The following ANGPTL1 variants were observed in gnomAD, a reference collection of about 807,000 sequenced individuals.
ANGPTL1 encodes the protein angiopoietin like 1, also known as angiopoietin-related protein 1.
A neutral mutation model predicts 46.7 loss-of-function variants in ANGPTL1; 36 were observed. The observed-to-expected ratio is 0.77, with a 90% CI of 0.59 to 1.02. The LOEUF (loss-of-function observed/expected upper bound fraction) is 1.02. Among genes scored for constraint, ANGPTL1 ranks in the 50% least tolerant of loss-of-function variants. The pLI, the probability that ANGPTL1 is intolerant of heterozygous loss-of-function variation, is 0.00. For synonymous variants in ANGPTL1, 221 were observed against 204.3 expected (o/e 1.08, Z -0.69); for missense variants, 571 against 594.7 (o/e 0.96, Z 0.41).
At chr1:178,854,114 T>C (rs936324986) in intron 3 of ANGPTL1, among the ~76,000 whole-genome samples, 5 of 152,124 alleles carry the variant, frequency 3.3e-5, no homozygotes, top group Admixed American at 1.3e-4. Context: ...ATCCTTGACA[T>C]TGATATATTT....
intron 3 of ANGPTL1, among the ~76,000 whole-genome samples, chr1:178,854,660 T>C (rs1477873294): frequency 6.6e-6 from 1 of 152,200 alleles, no homozygotes; most frequent in Non-Finnish European, 1.5e-5. Context: ...ATAGAACGAT[T>C]AACTAAGGTC....
chr1:178,865,171 C>G lies in ANGPTL1; in HGVS notation c.606G>C (p.Arg202Ser). The G allele has an allele frequency of 6.2e-7, 1 of 1,610,756 alleles. No individual in the cohort carries two copies. The highest frequency in any genetic ancestry group is 1.3e-5 in the African/African-American group (1 of 74,968). ...MITLLEEQCLRIFSRQDTHVS... is the reference protein window; with the variant it reads ...MITLLEEQCLSIFSRQDTHVS... ...CATGGGTGTCTTGTCGGGAAAATAT[C>G]CTCAAGCACTGTTCTTCCAACAAAG... The change falls in exon 3 of 6, where the codon AGG (arginine) becomes AGC (serine). Residue 202 changes from arginine (R) to serine (S), a missense_variant. Transcript: ENST00000234816.
At chr1:178,856,234 T>TATATATATATATATATATACATACAC (rs1368301659) in intron 3 of ANGPTL1, among the ~76,000 whole-genome samples, 1 of 128,776 alleles carries the variant, frequency 7.8e-6, no homozygotes, top group African/African-American at 3.2e-5. Flanking sequence ...TATATATATA[T>TATATATATATATATATATACATACAC]GGTTTTGGGT....
chr1:178,865,309 G>T lies in ANGPTL1; in HGVS notation c.468C>A (p.Asn156Lys), dbSNP rs61823763. The T allele has an allele frequency of 6.2e-7, 1 of 1,614,002 alleles. No homozygotes were observed. The highest frequency in any genetic ancestry group is 1.6e-4 in the Middle Eastern group (1 of 6,062). ...DNSLELSQLE[N>K]KILNVTTEML... ...TTTCTGTGGTGACATTGAGGATTTT[G>T]TTTTCCAGTTGGGAAAGTTCAAGTG... is the stretch of plus-strand genomic sequence containing the variant. Residue 156 changes from asparagine to lysine, a missense_variant, in exon 3 of 6, where the codon AAC becomes AAA. Asn to Lys is a moderately conservative substitution (Grantham distance 94). Coordinates refer to ENST00000234816, the MANE Select transcript of ANGPTL1 (RefSeq NM_004673.4).
intron 2 of ANGPTL1, among the ~76,000 whole-genome samples, chr1:178,867,852 C>T (rs1189898200): frequency 1.3e-5 from 2 of 151,822 alleles, no homozygotes; most frequent in Admixed American, 6.6e-5. Flanking sequence ...TGAAATATAA[C>T]TCTTATGCTG....
At chr1:178,858,082 G>A (rs960360996) in intron 3 of ANGPTL1, among the ~76,000 whole-genome samples, 1 of 152,106 alleles carries the variant, frequency 6.6e-6, no homozygotes, top group African/African-American at 2.4e-5. Flanking sequence ...TGTAGTTGAA[G>A]TTCTTTTCCA....
In ANGPTL1 at chr1:178,865,276, C is replaced by T. The variant is rs747108942; in HGVS notation, c.501G>A (p.Lys167=). 1 of 1,613,962 alleles carries T rather than the reference C, an allele frequency of 6.2e-7. No individual in the cohort carries two copies. Among genetic ancestry groups the T allele is most frequent in the Non-Finnish European group, 8.5e-7 (1 of 1,179,984 alleles). Residue 167 remains lysine (K), a synonymous_variant, in exon 3 of 6, where the codon AAG becomes AAA. Transcript: ENST00000234816. Reference sequence around the variant, plus strand: ...CTAGTTCCCTGTATCTTGTTGCCATCTTCAACATTTCTGTGGTGACATTGA... The same window carrying T: ...CTAGTTCCCTGTATCTTGTTGCCATTTTCAACATTTCTGTGGTGACATTGA... ...KILNVTTEML[K]MATRYRELEV...
In ANGPTL1 at chr1:178,871,065, T is replaced by G. The variant is rs892088159; in HGVS notation, c.-461A>C. ...AGTAACCAGCTGCAGCTGACCCAGATTGTATATACAGTACCCCTGAATAGT... is the reference window on the plus strand; with the variant it reads ...AGTAACCAGCTGCAGCTGACCCAGAGTGTATATACAGTACCCCTGAATAGT... On this transcript the variant is annotated 5_prime_UTR_variant, in exon 1 of 6. Coordinates refer to ENST00000234816, the MANE Select transcript of ANGPTL1 (RefSeq NM_004673.4). 2 of 152,160 alleles carry G rather than the reference T, an allele frequency of 1.3e-5. No individual in the cohort carries two copies. The highest frequency in any genetic ancestry group is 4.8e-5 in the African/African-American group (2 of 41,440). The allele number at this position is 152,160 out of a possible 1,614,324, so 9.4% of individuals were successfully genotyped here.
chr1:178,852,099 T>TA (rs1657210346), intron 5 of ANGPTL1, among the ~76,000 whole-genome samples: 2 of 152,198 alleles, frequency 1.3e-5, no homozygotes, highest in African/African-American at 4.8e-5. Context: ...GAAATGCTCT[T>TA]ACACCATGTA....
In ANGPTL1 at chr1:178,865,136, G is replaced by T. The variant is rs144366166; in HGVS notation, c.641C>A (p.Pro214Gln). The part of the protein sequence containing the change: ...FSRQDTHVSP[P>Q]LVQVVPQHIP... ...ATGTTGTGGCACCACCTGGACAAGT[G>T]GGGGAGACACATGGGTGTCTTGTCG... The change falls in exon 3 of 6, where the codon CCA (proline) becomes CAA (glutamine). Residue 214 changes from proline to glutamine, a missense_variant. Physicochemically the swap from Pro to Gln is moderately conservative, Grantham distance 76. Transcript: ENST00000234816. 2.9e-5 allele frequency: 46 copies of T among 1,595,294 alleles called. 1 individual carries two copies. The highest frequency in any genetic ancestry group is 2.9e-4 in the Admixed American group (17 of 59,376).
At position 178,850,794 on chromosome 1, in the gene ANGPTL1, A is replaced by G. The variant is rs1657120153; in HGVS notation, c.*335T>C. 5.9e-6 allele frequency: 1 copy of G among 169,340 alleles called. No individual in the cohort carries two copies. The highest frequency in any genetic ancestry group is 6.3e-5 in the Admixed American group (1 of 15,802). 10.5% of individuals were successfully genotyped at this position (169,340 alleles called of 1,614,324 possible). A position where few individuals can be genotyped will look rare whatever the true frequency, so the allele number is the denominator to read the frequency against. ...TAGAGCAATCTTAGATTTTAAATAA[A>G]TTGTTAAGTATCTTGAACATGTTAT... is the stretch of plus-strand genomic sequence containing the variant. On this transcript the variant is annotated 3_prime_UTR_variant, in exon 6 of 6. Coordinates refer to ENST00000234816, the MANE Select transcript of ANGPTL1 (RefSeq NM_004673.4).
In ANGPTL1 at chr1:178,858,347, A is replaced by G. The variant is rs140882054; in HGVS notation, c.824-4560T>C. 6.0e-3 allele frequency among the ~76,000 whole-genome samples: 908 copies of G among 152,252 alleles called. 15 individuals are homozygous for G. The highest frequency in any genetic ancestry group is 0.021 in the African/African-American group (880 of 41,558). ...ATGTTTTCACTGCTTTTTCTGTACC[A>G]TAAAGAACATTGCTTGAAAGAAATT... On this transcript the variant is annotated intron_variant, in intron 3 of 5. Coordinates refer to ENST00000234816, the MANE Select transcript of ANGPTL1 (RefSeq NM_004673.4).
intron 3 of ANGPTL1, among the ~76,000 whole-genome samples, chr1:178,861,747 A>G (rs971058910): frequency 1.3e-5 from 2 of 152,228 alleles, no homozygotes; most frequent in Non-Finnish European, 2.9e-5. Flanking sequence ...AAAAGCTTAC[A>G]TAAAACAAAA....
chr1:178,870,761 A>C lies in ANGPTL1; in HGVS notation c.-157T>G, dbSNP rs1658707799. On this transcript the variant is annotated 5_prime_UTR_variant, in exon 1 of 6. Transcript: ENST00000234816. ...AATACCTTTTTGTGTCTGTTGATTC[A>C]GTGAATCCAGAAACTTGCTGCCCTT... The C allele has an allele frequency of 6.6e-6, 1 of 152,198 alleles. No individual in the cohort carries two copies. Among genetic ancestry groups the C allele is most frequent in the African/African-American group, 2.4e-5 (1 of 41,472 alleles). The allele number at this position is 152,198 out of a possible 1,614,324, so 9.4% of individuals were successfully genotyped here.
intron 3 of ANGPTL1, among the ~76,000 whole-genome samples, chr1:178,864,470 G>A (rs1299552300): frequency 6.6e-6 from 1 of 152,252 alleles, no homozygotes; most frequent in East Asian, 1.9e-4. Context: ...TAGTAGTTGA[G>A]TCATCTGCTG....
At chr1:178,861,935 C>T (rs1311490562) in intron 3 of ANGPTL1, among the ~76,000 whole-genome samples, 1 of 151,908 alleles carries the variant, frequency 6.6e-6, no homozygotes, top group Non-Finnish European at 1.5e-5. Flanking sequence ...TGCAGTGGTG[C>T]GATCTCGGCT....
intron 2 of ANGPTL1, 62 bp from the exon 3 acceptor site, chr1:178,865,864 A>G (rs1658372310): frequency 9.8e-7 from 1 of 1,020,714 alleles, no homozygotes; most frequent in Admixed American, 2.6e-5. Flanking sequence ...ATCTATGTTA[A>G]AGTCAGTAAT....
intron 3 of ANGPTL1, among the ~76,000 whole-genome samples, chr1:178,855,000 C>A (rs1283563073): frequency 6.6e-6 from 1 of 151,946 alleles, no homozygotes; most frequent in South Asian, 2.1e-4. Context: ...CCCTAAAGAT[C>A]TCTTAGAACA....
chr1:178,852,640 G>A, intron 5 of ANGPTL1, 43 bp downstream of exon 5: 6 of 1,571,012 alleles, frequency 3.8e-6, no homozygotes, highest in Non-Finnish European at 5.2e-6. Flanking sequence ...TTAATGCATA[G>A]AAGGTGATGA....
Sources: allele counts gnomAD v4.1 joint callset (sites outside exome capture counted in the v4.1 genomes callset), GRCh38; gene constraint gnomAD v4.1.1; transcripts MANE v1.5; gene names NCBI Gene and HGNC (gene_info 2026-07-23, HGNC 2026-07-21).